Variants in DMXL1 observed in about 807,000 individuals in gnomAD.
DMXL1 encodes the protein dmX-like protein 1.
In DMXL1, 99 loss-of-function variants were observed where a neutral mutation model predicts 319.2. That is an observed-to-expected ratio of 0.31 (90% confidence interval 0.26 to 0.37). The LOEUF is 0.37. Among genes scored for constraint, DMXL1 ranks in the 10% least tolerant of loss-of-function variants. The probability of loss-of-function intolerance (pLI) is 1.00; values close to 1 mark genes in which losing one functional copy is unlikely to be tolerated. For missense variants in DMXL1, 3,745 were observed against 3,595.6 expected, an observed-to-expected ratio of 1.04 and a Z score of -1.06; for synonymous variants, 1,385 against 1,235.2, an observed-to-expected ratio of 1.12 and a Z score of -2.54.
rs1487402292 is a variant in DMXL1 at position 119,170,089 on chromosome 5, ACT to A, written c.5399-98_5399-97del. On this transcript the variant is annotated intron_variant, in intron 23 of 43. Transcript: ENST00000539542. ...CCTATTAGTAAAATTTTGTCAAAAG[ACT>A]CTTTAGATAAAGGTGTCATAGTAGA... The A allele has an allele frequency of 1.8e-5, 23 of 1,278,206 alleles. No individual in the cohort carries two copies. The East Asian group carries it at 4.8e-4, about 27-fold the overall frequency. 79.2% of individuals were successfully genotyped at this position (1,278,206 alleles called of 1,614,324 possible).
rs1769374818 is a variant in DMXL1, at chr5:119,149,842, G to C, written c.4015G>C (p.Val1339Leu). Reference sequence around the variant, plus strand: ...TTTGGAACTCATGGATCTTGGTAAAGTTCGGAGAGCCAAGGCCATCTTGTC... The same window carrying C: ...TTTGGAACTCATGGATCTTGGTAAACTTCGGAGAGCCAAGGCCATCTTGTC... ...QLLELMDLGK[V>L]RRAKAILSHL... Residue 1339 changes from valine (V) to leucine (L), a missense_variant, in exon 18 of 44, where the codon GTT becomes CTT. Physicochemically the swap from Val to Leu is conservative, Grantham distance 32. Around this residue, in one of 4 missense-constraint regions of DMXL1, gnomAD observed 2,096 missense variants for 1,985.4 expected, o/e 1.06. Transcript: ENST00000539542. The C allele has an allele frequency of 3.7e-6, 6 of 1,613,896 alleles. No homozygotes were observed. Among genetic ancestry groups the C allele is most frequent in the Non-Finnish European group, 4.2e-6 (5 of 1,179,914 alleles).
Position 119,149,390 on chromosome 5 carries a change from G to T in DMXL1, c.3563G>T (p.Ser1188Ile). ...KETLAFPLWE[S>I]TKVVPLSKFV... ...ACCCTGGCATTTCCTCTCTGGGAGA[G>T]TACCAAAGTTGTGCCCCTTTCTAAA... The change falls in exon 18 of 44, where the codon AGT (serine) becomes ATT (isoleucine). Residue 1188 changes from serine to isoleucine, a missense_variant. Around this residue, in one of 4 missense-constraint regions of DMXL1, gnomAD observed 2,096 missense variants for 1,985.4 expected, o/e 1.06. Coordinates refer to ENST00000539542, the MANE Select transcript of DMXL1 (RefSeq NM_001290321.3). 6.2e-7 allele frequency: 1 copy of T among 1,613,896 alleles called. No individual in the cohort carries two copies. The highest frequency in any genetic ancestry group is 1.1e-5 in the South Asian group (1 of 91,080).
intron 13 of DMXL1, among the ~76,000 whole-genome samples, chr5:119,139,444 A>G (rs1038927076): frequency 6.6e-6 from 1 of 152,232 alleles, no homozygotes; most frequent in Non-Finnish European, 1.5e-5. Flanking sequence ...TACCAAGTAA[A>G]TGGAAATCAG....
chr5:119,170,088 G>A, intron 23 of DMXL1, 102 bp from the exon 24 acceptor site: 1 of 1,274,198 alleles, frequency 7.8e-7, no homozygotes, highest in East Asian at 2.5e-5. Flanking sequence ...TTTGTCAAAA[G>A]ACTCTTTAGA....
chr5:119,074,960 AAG>A (rs1360672772), intron 1 of DMXL1, among the ~76,000 whole-genome samples: 2 of 152,196 alleles, frequency 1.3e-5, no homozygotes, highest in South Asian at 2.1e-4. Context: ...ATGGGACTAA[AAG>A]AGTATTATTC....
At chr5:119,085,198 G>T (rs1753088171) in intron 1 of DMXL1, among the ~76,000 whole-genome samples, 1 of 151,976 alleles carries the variant, frequency 6.6e-6, no homozygotes, top group Non-Finnish European at 1.5e-5. Flanking sequence ...AGGCATGGTG[G>T]TGTGCACCTG....
At chr5:119,172,045 T>C in intron 25 of DMXL1, 76 bp downstream of exon 25, 1 of 1,313,836 alleles carries the variant, frequency 7.6e-7, no homozygotes, top group Non-Finnish European at 1.0e-6. Context: ...AAGGCTTTTT[T>C]TTAAGTAATT....
intron 35 of DMXL1, among the ~76,000 whole-genome samples, chr5:119,220,162 A>G (rs536033065): frequency 6.6e-6 from 1 of 152,120 alleles, no homozygotes; most frequent in Non-Finnish European, 1.5e-5. Context: ...CTTCCTCCAC[A>G]TTTCTGAATT....
rs111610046 is a variant in DMXL1 at position 119,151,872 on chromosome 5, G to A, written c.4595-57G>A. The A allele has an allele frequency of 3.5e-6, 4 of 1,142,260 alleles. No individual in the cohort carries two copies. In the African/African-American group the frequency reaches 4.6e-5, roughly 13 times the overall value. 70.8% of individuals were successfully genotyped at this position (1,142,260 alleles called of 1,614,324 possible). A position where few individuals can be genotyped will look rare whatever the true frequency, so the allele number is the denominator to read the frequency against. On this transcript the variant is annotated intron_variant, in intron 18 of 43. Coordinates refer to ENST00000539542, the MANE Select transcript of DMXL1 (RefSeq NM_001290321.3). Reference sequence around the variant, plus strand: ...AGAATGTTATATGCCTATATTGGGTGTTCTTTTGCTTACAATTTTTTTTTT... The same window carrying A: ...AGAATGTTATATGCCTATATTGGGTATTCTTTTGCTTACAATTTTTTTTTT...
Position 119,071,627 on chromosome 5 carries a change from G to A in DMXL1, c.58G>A (p.Val20Met). 6.2e-7 allele frequency: 1 copy of A among 1,601,534 alleles called. No homozygotes were observed. Among genetic ancestry groups the A allele is most frequent in the Non-Finnish European group, 8.5e-7 (1 of 1,174,510 alleles). The part of the protein sequence containing the change: ...AVNPGDHCFS[V>M]GSIGDQRFTA... The stretch of plus-strand genomic sequence containing the variant: ...GAACCCTGGCGACCACTGCTTCTCC[G>A]TGGGCAGCATTGGCGACCAGCGCTT... The change falls in exon 1 of 44, where the codon GTG (valine) becomes ATG (methionine). Residue 20 changes from valine to methionine, a missense_variant. Coordinates refer to ENST00000539542, the MANE Select transcript of DMXL1 (RefSeq NM_001290321.3).
Position 119,150,207 on chromosome 5 carries a change from G to A in DMXL1, c.4380G>A (p.Glu1460=). The change falls in exon 18 of 44, where the codon GAG becomes GAA. Residue 1460 remains glutamate (E), a synonymous_variant. Coordinates refer to ENST00000539542, the MANE Select transcript of DMXL1 (RefSeq NM_001290321.3). Reference sequence around the variant, plus strand: ...TAATGACTGATACTCATATGTTAGAGACAGATGAAGAAAATACAAAGCCTA... The same window carrying A: ...TAATGACTGATACTCATATGTTAGAAACAGATGAAGAAAATACAAAGCCTA... ...QLLMTDTHML[E]TDEENTKPRV... 1.2e-6 allele frequency: 2 copies of A among 1,613,526 alleles called. No homozygotes were observed. The highest frequency in any genetic ancestry group is 1.1e-5 in the South Asian group (1 of 91,036).
rs1406557275 is a variant in DMXL1 at position 119,166,621 on chromosome 5, A to G, written c.4976A>G (p.Glu1659Gly). The change falls in exon 22 of 44, where the codon GAA (glutamate) becomes GGA (glycine). Residue 1659 changes from glutamate (E) to glycine (G), a missense_variant. This residue lies in a region of DMXL1 where 2,096 missense variants were observed against 1,985.4 expected (regional missense o/e 1.06). Coordinates refer to ENST00000539542, the MANE Select transcript of DMXL1 (RefSeq NM_001290321.3). ...CCATTTTTTTTCCTTTATAGAGCTG[A>G]AAAAAACACCAGGATGACACAGTTT... ...KAVIWGLYRA[E>G]KNTRMTQFFG... 5.0e-6 allele frequency: 8 copies of G among 1,604,134 alleles called. No homozygotes were observed. Among genetic ancestry groups the G allele is most frequent in the Admixed American group, 1.7e-5 (1 of 57,472 alleles).
chr5:119,210,995 T>C (rs536784322), intron 34 of DMXL1, among the ~76,000 whole-genome samples: 37 of 150,996 alleles, frequency 2.5e-4, no homozygotes, highest in Non-Finnish European at 4.7e-4. Context: ...TGTTGGATTT[T>C]ATCAAATGAT....
intron 9 of DMXL1, among the ~76,000 whole-genome samples, chr5:119,122,670 G>A (rs528467665): frequency 1.7e-4 from 26 of 151,498 alleles, no homozygotes; most frequent in South Asian, 8.4e-4. Flanking sequence ...AGACGGGGTC[G>A]CTGCCGGGCA....
rs1426089757 is a variant in DMXL1, at chr5:119,247,793, T to C, written c.*574T>C. 2 of 152,158 alleles carry C rather than the reference T, an allele frequency of 1.3e-5. No homozygotes were observed. Among genetic ancestry groups the C allele is most frequent in the African/African-American group, 2.4e-5 (1 of 41,204 alleles). 9.4% of individuals were successfully genotyped at this position (152,158 alleles called of 1,614,324 possible). A position where few individuals can be genotyped will look rare whatever the true frequency, so the allele number is the denominator to read the frequency against. On this transcript the variant is annotated 3_prime_UTR_variant, in exon 44 of 44. Transcript: ENST00000539542. ...AGTTTACCCTCCGGAACCCAAGTTG[T>C]ATGTATGTATACGTGTGTGTGTGTG...
intron 21 of DMXL1, 146 bp from the exon 22 acceptor site, chr5:119,166,470 A>G (rs532379970): frequency 1.6e-5 from 10 of 635,506 alleles, no homozygotes; most frequent in East Asian, 9.4e-5. Flanking sequence ...TATAATTTTT[A>G]CTGGGAAAAG....
At chr5:119,107,427 CTTTT>C (rs1244515890) in intron 4 of DMXL1, among the ~76,000 whole-genome samples, 2 of 151,894 alleles carry the variant, frequency 1.3e-5, no homozygotes, top group Non-Finnish European at 2.9e-5. Flanking sequence ...TAATGCCTTT[CTTTT>C]GTGTCCAAAT....
intron 15 of DMXL1, 137 bp downstream of exon 15, chr5:119,144,775 C>A: frequency 2.0e-6 from 1 of 506,762 alleles, no homozygotes; most frequent in Non-Finnish European, 3.5e-6. Context: ...AAATATTTAT[C>A]ATAAATATGA....
intron 13 of DMXL1, among the ~76,000 whole-genome samples, chr5:119,140,921 G>C (rs562664004): frequency 6.6e-6 from 1 of 152,208 alleles, no homozygotes; most frequent in East Asian, 1.9e-4. Context: ...GATCAAGTAG[G>C]CTTAATTCCC....
Sources: gnomAD v4.1 joint callset for allele counts (sites outside exome capture counted in the v4.1 genomes callset) on GRCh38, gnomAD v4.1.1 for gene constraint, gnomAD v4.1.1 regional missense constraint, MANE v1.5 for transcripts, NCBI Gene and HGNC (gene_info 2026-07-23, HGNC 2026-07-21) for gene names.